STAP1: variants seen among roughly 807,000 people sequenced by gnomAD.
STAP1 encodes signal transducing adaptor family member 1, also known as signal-transducing adaptor protein 1.
STAP1 carries 30 observed loss-of-function variants against 37.8 expected under a neutral mutation model. The ratio of observed to expected loss-of-function variants is 0.79; its 90% CI spans 0.59 to 1.08. The LOEUF (loss-of-function observed/expected upper bound fraction) is 1.08. Among genes scored for constraint, STAP1 ranks in the 50% least tolerant of loss-of-function variants. The probability of loss-of-function intolerance (pLI) is 0.00; values close to 1 mark genes in which losing one functional copy is unlikely to be tolerated. For synonymous variants in STAP1, 130 were observed against 116.0 expected (o/e 1.12, Z -0.78); for missense variants, 357 against 349.4 (o/e 1.02, Z -0.17).
chr4:67,572,770 G>A (rs957812709), intron 2 of STAP1, among the ~76,000 whole-genome samples: 10 of 152,322 alleles, frequency 6.6e-5, no homozygotes, highest in African/African-American at 2.2e-4. Flanking sequence ...CATTTTACAT[G>A]CATTGCCTAA....
chr4:67,605,388 C>CAAAAAA (rs10643250), intron 8 of STAP1, among the ~76,000 whole-genome samples: 1 of 124,748 alleles, frequency 8.0e-6, no homozygotes, highest in African/African-American at 3.1e-5. Flanking sequence ...ATAGACAATA[C>CAAAAAA]AAAAAAAAAA....
chr4:67,561,142 T>C (rs1368831639), intron 1 of STAP1, among the ~76,000 whole-genome samples: 2 of 152,182 alleles, frequency 1.3e-5, no homozygotes, highest in African/African-American at 4.8e-5. Context: ...TAGTTTGAGG[T>C]CTGCAAGTAA....
At chr4:67,588,652 G>C (rs1180785214) in intron 6 of STAP1, among the ~76,000 whole-genome samples, 2 of 151,928 alleles carry the variant, frequency 1.3e-5, no homozygotes, top group Non-Finnish European at 2.9e-5. Context: ...CTCGTGATCT[G>C]CCTGCCTCAG....
chr4:67,601,335 T>C (rs768055034), intron 8 of STAP1, among the ~76,000 whole-genome samples: 27 of 152,212 alleles, frequency 1.8e-4, no homozygotes, highest in Non-Finnish European at 3.2e-4. Flanking sequence ...AAAGTTGTAG[T>C]TATTTTTGAT....
chr4:67,592,361 T>C (rs758728807), intron 7 of STAP1, among the ~76,000 whole-genome samples: 1 of 152,206 alleles, frequency 6.6e-6, no homozygotes, highest in Non-Finnish European at 1.5e-5. Context: ...ATAAAAATAT[T>C]AGTTTAGGGG....
chr4:67,565,305 A>T (rs965990977), intron 1 of STAP1, among the ~76,000 whole-genome samples: 3 of 152,246 alleles, frequency 2.0e-5, no homozygotes, highest in African/African-American at 7.2e-5. Flanking sequence ...CCAGATTTCT[A>T]AATGGATTTT....
intron 3 of STAP1, 151 bp from the exon 4 acceptor site, chr4:67,577,052 T>G: frequency 1.7e-6 from 1 of 580,928 alleles, no homozygotes; most frequent in South Asian, 3.4e-5. Flanking sequence ...AAAATAGTAT[T>G]GAAATATTTC....
At position 67,573,703 on chromosome 4, in the gene STAP1, G is replaced by C. The variant is rs192371186; in HGVS notation, c.193-1682G>C. Among the ~76,000 whole-genome samples, 102 of 152,044 alleles carry C rather than the reference G, an allele frequency of 6.7e-4. 1 individual carries two copies. The highest frequency in any genetic ancestry group is 2.3e-3 in the African/African-American group (94 of 41,468). The stretch of plus-strand genomic sequence containing the variant: ...GGAATGGTTAAATTGAAAATAACTA[G>C]GCCAACTCGAACTTTCTCTCAAACT... On this transcript the variant is annotated intron_variant, in intron 2 of 8. Coordinates refer to ENST00000265404, the MANE Select transcript of STAP1 (RefSeq NM_012108.4).
At chr4:67,578,975 C>A (rs141250830) in intron 4 of STAP1, among the ~76,000 whole-genome samples, 1 of 151,954 alleles carries the variant, frequency 6.6e-6, no homozygotes, top group South Asian at 2.1e-4. Flanking sequence ...ATTAAAGGCA[C>A]GTACCATCAT....
chr4:67,594,960 T>C (rs1286120768), intron 8 of STAP1, among the ~76,000 whole-genome samples: 1 of 152,108 alleles, frequency 6.6e-6, no homozygotes, highest in Admixed American at 6.6e-5. Flanking sequence ...ATGTGTGTGA[T>C]TGGGAAGTAT....
chr4:67,571,552 T>C (rs1727607118), intron 2 of STAP1, among the ~76,000 whole-genome samples: 1 of 152,216 alleles, frequency 6.6e-6, no homozygotes, highest in African/African-American at 2.4e-5. Flanking sequence ...CTCCAGAGCA[T>C]GCAAAGCCAT....
At chr4:67,581,521 T>A (rs1389914556) in intron 5 of STAP1, 50 bp downstream of exon 5, 2 of 1,552,436 alleles carry the variant, frequency 1.3e-6, no homozygotes, top group Non-Finnish European at 1.7e-6. Flanking sequence ...TAAAACTAAT[T>A]TCTAATTATA....
chr4:67,561,908 C>G (rs1222202143), intron 1 of STAP1, among the ~76,000 whole-genome samples: 1 of 151,676 alleles, frequency 6.6e-6, no homozygotes, highest in East Asian at 1.9e-4. Flanking sequence ...CCCGTCTCTA[C>G]TAAAAATACA....
Position 67,606,577 on chromosome 4 carries a change from C to T in STAP1, c.*220C>T, listed in dbSNP as rs940506342. On this transcript the variant is annotated 3_prime_UTR_variant, in exon 9 of 9. Transcript: ENST00000265404. Reference sequence around the variant, plus strand: ...CTAGAGACTACGGCTGTGGTGGTAACCTGCAGATATACACATTCCCATGCA... The same window carrying T: ...CTAGAGACTACGGCTGTGGTGGTAATCTGCAGATATACACATTCCCATGCA... 2 of 458,898 alleles carry T rather than the reference C, an allele frequency of 4.4e-6. No homozygotes were observed. Among genetic ancestry groups the T allele is most frequent in the Admixed American group, 4.2e-5 (1 of 24,056 alleles). 28.4% of individuals were successfully genotyped at this position (458,898 alleles called of 1,614,324 possible). A position where few individuals can be genotyped will look rare whatever the true frequency, so the allele number is the denominator to read the frequency against.
At chr4:67,596,180 T>C (rs1354355650) in intron 8 of STAP1, among the ~76,000 whole-genome samples, 2 of 152,140 alleles carry the variant, frequency 1.3e-5, no homozygotes, top group Non-Finnish European at 2.9e-5. Flanking sequence ...GTTCTCCTGA[T>C]ACTGAGGGAG....
At chr4:67,583,000 G>GT (rs1305609640) in intron 5 of STAP1, among the ~76,000 whole-genome samples, 1 of 152,156 alleles carries the variant, frequency 6.6e-6, no homozygotes, top group Non-Finnish European at 1.5e-5. Flanking sequence ...CTTACAGTGG[G>GT]TTTATCGGGA....
chr4:67,558,926 C>A lies in STAP1; in HGVS notation c.117C>A (p.Tyr39Ter). The stretch of plus-strand genomic sequence containing the variant: ...TTTTATTAATCAAGCGGTCAGGATA[C>A]CGGGTGAGTCTATAGATGATAATGT... ...EGFLLIKRSG[Y>*]REYEHYWTEL... is the part of the protein sequence containing the mutation. The change falls in exon 1 of 9, where the codon TAC becomes TAA. Residue 39 changes from tyrosine (Y) to a stop codon, truncating the protein, a stop_gained. Transcript: ENST00000265404. LOFTEE classifies it high-confidence loss of function. 6.2e-7 allele frequency: 1 copy of A among 1,610,806 alleles called. No homozygotes were observed. Among genetic ancestry groups the A allele is most frequent in the Non-Finnish European group, 8.5e-7 (1 of 1,178,432 alleles).
chr4:67,606,240 C>A, intron 8 of STAP1, 56 bp from the exon 9 acceptor site: 1 of 1,452,842 alleles, frequency 6.9e-7, no homozygotes, highest in Non-Finnish European at 9.5e-7. Flanking sequence ...AATAAAGAAC[C>A]ACCGTTTTCT....
At chr4:67,596,250 C>A (rs917962628) in intron 8 of STAP1, among the ~76,000 whole-genome samples, 1 of 152,154 alleles carries the variant, frequency 6.6e-6, no homozygotes, top group Non-Finnish European at 1.5e-5. Context: ...TCTTTCCTGC[C>A]ACCTTGTGAA....
Sources: gnomAD v4.1 joint callset for allele counts (sites outside exome capture counted in the v4.1 genomes callset) on GRCh38, gnomAD v4.1.1 for gene constraint, MANE v1.5 for transcripts, NCBI Gene and HGNC (gene_info 2026-07-23, HGNC 2026-07-21) for gene names.